ENPP2: variants seen among roughly 807,000 people sequenced by gnomAD.
The protein encoded by ENPP2 is ectonucleotide pyrophosphatase/phosphodiesterase 2.
In ENPP2, 51 loss-of-function variants were observed where a neutral mutation model predicts 120.2. The observed-to-expected ratio is 0.42, with a 90% confidence interval of 0.34 to 0.54. The LOEUF (loss-of-function observed/expected upper bound fraction) is 0.54. Among genes scored for constraint, ENPP2 ranks in the 20% least tolerant of loss-of-function variants. ENPP2 has a pLI of 0.04. For synonymous variants in ENPP2, 365 were observed against 366.4 expected (o/e 1.00, Z 0.04); for missense variants, 920 against 1,066.5 (o/e 0.86, Z 1.91).
chr8:119,670,790 A>G (rs76229684), intron 1 of ENPP2, among the ~76,000 whole-genome samples: 2,517 of 152,322 alleles, frequency 0.017, 81 homozygotes, highest in African/African-American at 0.057. Context: ...TGATATGGAC[A>G]AAATGTATAT....
intron 9 of ENPP2, among the ~76,000 whole-genome samples, chr8:119,603,981 G>A (rs1814500993): frequency 6.6e-6 from 1 of 150,454 alleles, no homozygotes; most frequent in Non-Finnish European, 1.5e-5. Context: ...AACCTCTCTA[G>A]GCCTTAGTGT....
intron 1 of ENPP2, among the ~76,000 whole-genome samples, chr8:119,649,875 C>T (rs908610330): frequency 6.6e-6 from 1 of 152,234 alleles, no homozygotes; most frequent in East Asian, 1.9e-4. Flanking sequence ...CACTAGGATG[C>T]TAAAATTTAA....
intron 19 of ENPP2, among the ~76,000 whole-genome samples, chr8:119,579,859 T>C (rs1410335613): frequency 6.6e-6 from 1 of 152,078 alleles, no homozygotes; most frequent in Non-Finnish European, 1.5e-5. Context: ...AGATACAAAA[T>C]GGATTGTGTA....
intron 2 of ENPP2, among the ~76,000 whole-genome samples, chr8:119,628,077 G>C (rs1271904350): frequency 6.6e-6 from 1 of 151,594 alleles, no homozygotes; most frequent in African/African-American, 2.4e-5. Context: ...GAAAACCTCT[G>C]AAAAGGAAAA....
chr8:119,647,889 C>T (rs1323857794), intron 1 of ENPP2, among the ~76,000 whole-genome samples: 1 of 151,974 alleles, frequency 6.6e-6, no homozygotes, highest in Non-Finnish European at 1.5e-5. Flanking sequence ...CCTGTAATCC[C>T]GGCTACTTGG....
At position 119,653,616 on chromosome 8, in the gene ENPP2, A is replaced by G. The variant is rs560557165; in HGVS notation, c.22-15089T>C. Among the ~76,000 whole-genome samples the G allele has an allele frequency of 8.0e-4, 122 of 152,264 alleles. 2 individuals are homozygous for G. Among genetic ancestry groups the G allele is most frequent in the African/African-American group, 2.9e-3 (121 of 41,548 alleles). On this transcript the variant is annotated intron_variant, in intron 1 of 25. Coordinates refer to the ENPP2 transcript ENST00000427067. ...GTGAGAGACGAGGCAGCAGTAAGAG[A>G]CAATGTCAAAGAAGTAATTGGGAGC...
intron 12 of ENPP2, among the ~76,000 whole-genome samples, chr8:119,591,352 A>T (rs1429588833): frequency 6.6e-6 from 1 of 152,242 alleles, no homozygotes; most frequent in Non-Finnish European, 1.5e-5. Flanking sequence ...TTTTTTAAAC[A>T]ACAAATATTT....
intron 5 of ENPP2, among the ~76,000 whole-genome samples, 155 bp downstream of exon 5, chr8:119,619,089 C>A (rs912593070): frequency 3.3e-5 from 5 of 152,292 alleles, no homozygotes; most frequent in East Asian, 3.9e-4. Context: ...CTACCTTCAA[C>A]CTTTCGACTC....
At position 119,638,822 on chromosome 8, in the gene ENPP2, G is replaced by A; in HGVS notation, c.-42C>T. ...AAGCCTTTTGCAGCGTGTTCTCTTTGCCTTCACGGAGTGCACTGCTTTGAG... is the reference window on the plus strand; with the variant it reads ...AAGCCTTTTGCAGCGTGTTCTCTTTACCTTCACGGAGTGCACTGCTTTGAG... On this transcript the variant is annotated 5_prime_UTR_variant, in exon 1 of 25. Transcript: ENST00000075322. 1 of 1,613,536 alleles carries A rather than the reference G, an allele frequency of 6.2e-7. No individual in the cohort carries two copies. Among genetic ancestry groups the A allele is most frequent in the Non-Finnish European group, 8.5e-7 (1 of 1,179,512 alleles).
intron 23 of ENPP2, 141 bp downstream of exon 23, chr8:119,564,682 A>C: frequency 2.9e-6 from 1 of 339,134 alleles, no homozygotes; most frequent in African/African-American, 2.1e-5. Context: ...CGTCTCAAAA[A>C]AATATATATA....
At chr8:119,587,492 A>G (rs1020149000) in intron 13 of ENPP2, among the ~76,000 whole-genome samples, 1 of 152,172 alleles carries the variant, frequency 6.6e-6, no homozygotes, top group African/African-American at 2.4e-5. Context: ...AGATTTTTGA[A>G]ACAAGTCTTC....
intron 1 of ENPP2, among the ~76,000 whole-genome samples, chr8:119,651,175 T>C (rs1398717973): frequency 6.6e-6 from 1 of 152,066 alleles, no homozygotes; most frequent in Non-Finnish European, 1.5e-5. Flanking sequence ...AGGGGATTTT[T>C]AAGTTGATAA....
At chr8:119,578,909 G>A (rs191975872) in intron 19 of ENPP2, among the ~76,000 whole-genome samples, 92 of 152,272 alleles carry the variant, frequency 6.0e-4, no homozygotes, top group African/African-American at 1.9e-3. Flanking sequence ...ATCTTCTACC[G>A]GTTTCCTCAA....
upstream of ENPP2, among the ~76,000 whole-genome samples, chr8:119,642,426 C>T (rs1164325731): frequency 6.6e-6 from 1 of 151,744 alleles, no homozygotes; most frequent in Non-Finnish European, 1.5e-5. Flanking sequence ...TTTTAATATG[C>T]TAACGATGGT....
At chr8:119,659,783 A>G (rs1403844759) in intron 1 of ENPP2, among the ~76,000 whole-genome samples, 1 of 152,248 alleles carries the variant, frequency 6.6e-6, no homozygotes, top group Non-Finnish European at 1.5e-5. Flanking sequence ...GGATCAAATT[A>G]TAGATGGAGG....
intron 13 of ENPP2, 63 bp from the exon 14 acceptor site, chr8:119,587,138 T>G (rs781676519): frequency 5.9e-6 from 8 of 1,364,556 alleles, no homozygotes; most frequent in Non-Finnish European, 8.2e-6. Flanking sequence ...GAAATCATTT[T>G]TGCAGCAAGA....
intron 3 of ENPP2, 55 bp downstream of exon 3, chr8:119,626,510 C>G (rs949232819): frequency 9.5e-6 from 14 of 1,472,044 alleles, no homozygotes; most frequent in Non-Finnish European, 1.1e-5. Context: ...CATACAATAG[C>G]AGGCAGTCTT....
intron 1 of ENPP2, among the ~76,000 whole-genome samples, chr8:119,670,840 T>G (rs773569239): frequency 6.6e-6 from 1 of 150,900 alleles, no homozygotes; most frequent in South Asian, 2.1e-4. Flanking sequence ...GGAGAGGGAG[T>G]GAGTAGTAAG....
chr8:119,668,035 A>T (rs545170486), intron 1 of ENPP2, among the ~76,000 whole-genome samples: 47 of 152,180 alleles, frequency 3.1e-4, no homozygotes, highest in African/African-American at 1.1e-3. Flanking sequence ...CTCAATTTAG[A>T]CATCACTTCC....
Sources: gnomAD v4.1 joint callset for allele counts (sites outside exome capture counted in the v4.1 genomes callset) on GRCh38, gnomAD v4.1.1 for gene constraint, MANE v1.5 for transcripts, NCBI Gene and HGNC (gene_info 2026-07-23, HGNC 2026-07-21) for gene names.